The following CREBBP variants were observed in gnomAD, a reference collection of about 807,000 sequenced individuals.
CREBBP encodes CREB binding lysine acetyltransferase, also known as CREB-binding protein.
A neutral mutation model predicts 265.0 loss-of-function variants in CREBBP; 19 were observed. That is an observed-to-expected ratio of 0.07 (90% CI 0.05 to 0.11). The LOEUF is 0.11. CREBBP is among the 10% of genes least tolerant of loss of function. The probability of loss-of-function intolerance (pLI) is 1.00; values close to 1 mark genes in which losing one functional copy is unlikely to be tolerated. For missense variants in CREBBP, 2,525 were observed against 3,219.0 expected (o/e 0.78, Z 5.22); for synonymous variants, 1,457 against 1,223.7 (o/e 1.19, Z -3.98).
chr16:3,805,568 T>C (rs993122177), intron 3 of CREBBP, among the ~76,000 whole-genome samples: 3 of 152,226 alleles, frequency 2.0e-5, no homozygotes, highest in Admixed American at 2.0e-4. Context: ...GATCCTGGCG[T>C]TCACGAAGCT....
intron 19 of CREBBP, among the ~76,000 whole-genome samples, chr16:3,753,232 C>G (rs1482781479): frequency 6.6e-6 from 1 of 152,234 alleles, no homozygotes; most frequent in African/African-American, 2.4e-5. Flanking sequence ...CGTGGGCCAC[C>G]GTGTGGCCAG....
intron 3 of CREBBP, among the ~76,000 whole-genome samples, chr16:3,795,427 T>C (rs992921462): frequency 3.9e-5 from 6 of 152,158 alleles, no homozygotes; most frequent in African/African-American, 1.4e-4. Context: ...CCATAATCAA[T>C]AGAGCCTCGT....
chr16:3,814,429 A>G (rs889446079), intron 2 of CREBBP, among the ~76,000 whole-genome samples: 3 of 151,892 alleles, frequency 2.0e-5, no homozygotes, highest in Non-Finnish European at 2.9e-5. Flanking sequence ...AAATTTTTGT[A>G]TTTTTTAGTA....
intron 1 of CREBBP, among the ~76,000 whole-genome samples, chr16:3,869,527 G>A (rs2055248643): frequency 6.6e-6 from 1 of 152,190 alleles, no homozygotes; most frequent in African/African-American, 2.4e-5. Flanking sequence ...AAGAGGATAA[G>A]TAAATGTACT....
At chr16:3,818,712 A>G (rs2054086805) in intron 2 of CREBBP, among the ~76,000 whole-genome samples, 1 of 152,204 alleles carries the variant, frequency 6.6e-6, no homozygotes, top group Non-Finnish European at 1.5e-5. Flanking sequence ...ACACGCCTCA[A>G]GCCACAATAC....
At chr16:3,786,813 T>C (rs1488729777) in intron 5 of CREBBP, among the ~76,000 whole-genome samples, 1 of 152,200 alleles carries the variant, frequency 6.6e-6, no homozygotes, top group African/African-American at 2.4e-5. Context: ...GGCTCACGCC[T>C]GTAATCCCAG....
rs1468296678 is a variant in CREBBP at position 3,803,280 on chromosome 16, G to A, written c.975+7323C>T. ...GACGGCGGGGAGGGGGGGGGGGGGGGTGGATCACGAGGTCAGGAGTTCAAG... is the reference window on the plus strand; with the variant it reads ...GACGGCGGGGAGGGGGGGGGGGGGGATGGATCACGAGGTCAGGAGTTCAAG... On this transcript the variant is annotated intron_variant, in intron 3 of 30. Coordinates refer to ENST00000262367, the MANE Select transcript of CREBBP (RefSeq NM_004380.3). Among the ~76,000 whole-genome samples the A allele has an allele frequency of 1.9e-4, 5 of 26,596 alleles. 1 individual carries two copies. The highest frequency in any genetic ancestry group is 1.7e-4 in the Non-Finnish European group (2 of 11,712). 17.4% of individuals were successfully genotyped at this position (26,596 alleles called of 152,430 possible). A position where few individuals can be genotyped will look rare whatever the true frequency, so the allele number is the denominator to read the frequency against.
chr16:3,790,298 G>C (rs1203666697), intron 5 of CREBBP, among the ~76,000 whole-genome samples: 3 of 151,200 alleles, frequency 2.0e-5, no homozygotes, highest in African/African-American at 4.9e-5. Flanking sequence ...GAAATGTCCA[G>C]GGAAATTGTT....
intron 18 of CREBBP, 118 bp from the exon 19 acceptor site, chr16:3,757,494 T>C (rs1403690352): frequency 2.0e-6 from 2 of 1,005,552 alleles, no homozygotes; most frequent in South Asian, 1.4e-5. Flanking sequence ...TAGACAGTTT[T>C]CTAACAATTT....
chr16:3,771,509 A>C (rs767857007), intron 13 of CREBBP, among the ~76,000 whole-genome samples: 8 of 152,218 alleles, frequency 5.3e-5, no homozygotes, highest in African/African-American at 1.2e-4. Context: ...TAATTAAAAC[A>C]ACCATTGAAA....
chr16:3,759,167 G>C (rs113974994), intron 16 of CREBBP, among the ~76,000 whole-genome samples, 195 bp from the exon 17 acceptor site: 5 of 152,320 alleles, frequency 3.3e-5, no homozygotes, highest in Admixed American at 1.3e-4. Flanking sequence ...TGTTCAGCTT[G>C]TGAGGCAAAA....
chr16:3,809,268 C>G (rs1034333181), intron 3 of CREBBP, among the ~76,000 whole-genome samples: 1 of 152,054 alleles, frequency 6.6e-6, no homozygotes, highest in South Asian at 2.1e-4. Context: ...ACCTCCACCT[C>G]CCAGGTTCAA....
Position 3,802,114 on chromosome 16 carries a change from A to ATTTTTTTTTTTTT in CREBBP, c.975+8476_975+8488dup, listed in dbSNP as rs71133657. On this transcript the variant is annotated intron_variant, in intron 3 of 30. Transcript: ENST00000262367. ...TTTATATTTACTCTGGTATTCCTTA[A>ATTTTTTTTTTTTT]TTTTTTTTTTTTTTTTTTTTTTTTT... is the stretch of plus-strand genomic sequence containing the variant. Among the ~76,000 whole-genome samples the ATTTTTTTTTTTTT allele has an allele frequency of 3.2e-4, 16 of 50,578 alleles. 3 individuals carry two copies. Among genetic ancestry groups the ATTTTTTTTTTTTT allele is most frequent in the East Asian group, 7.5e-4 (1 of 1,336 alleles). The allele number at this position is 50,578 out of a possible 152,430, so 33.2% of individuals were successfully genotyped here.
intron 1 of CREBBP, among the ~76,000 whole-genome samples, chr16:3,871,174 ATCTC>A (rs762999259): frequency 0.014 from 1,811 of 127,398 alleles, 23 homozygotes; most frequent in African/African-American, 0.044. Context: ...CCTTTTAGAG[ATCTC>A]TCTCTCTCTC....
intron 6 of CREBBP, 113 bp from the exon 7 acceptor site, chr16:3,781,419 A>C: frequency 1.2e-6 from 1 of 866,604 alleles, no homozygotes; most frequent in Non-Finnish European, 1.9e-6. Flanking sequence ...TTATTTAAAT[A>C]AGTGATTCTG....
At chr16:3,798,810 A>G (rs1438987338) in intron 3 of CREBBP, among the ~76,000 whole-genome samples, 1 of 152,188 alleles carries the variant, frequency 6.6e-6, no homozygotes, top group Non-Finnish European at 1.5e-5. Context: ...TTACCACATG[A>G]CCTCTGCAAT....
intron 11 of CREBBP, 101 bp from the exon 12 acceptor site, chr16:3,774,794 C>T (rs2053097512): frequency 6.9e-7 from 1 of 1,445,238 alleles, no homozygotes; most frequent in Non-Finnish European, 9.6e-7. Context: ...ATGGAACGCA[C>T]AGGCAACAGA....
At chr16:3,857,215 T>C (rs951119864) in intron 1 of CREBBP, among the ~76,000 whole-genome samples, 5 of 152,226 alleles carry the variant, frequency 3.3e-5, no homozygotes, top group African/African-American at 1.2e-4. Flanking sequence ...CTAGTGTTTT[T>C]GTTTTTCACT....
At chr16:3,775,920 TC>T (rs1340007950) in intron 11 of CREBBP, among the ~76,000 whole-genome samples, 4 of 9,106 alleles carry the variant, frequency 4.4e-4, no homozygotes, top group African/African-American at 3.0e-3. Flanking sequence ...TTGATTTCTT[TC>T]TTTTTTTTTT....
Sources: allele counts gnomAD v4.1 joint callset (sites outside exome capture counted in the v4.1 genomes callset), GRCh38; gene constraint gnomAD v4.1.1; transcripts MANE v1.5; gene names NCBI Gene and HGNC (gene_info 2026-07-23, HGNC 2026-07-21).